The following PHTF2 variants were observed in gnomAD, a reference collection of about 807,000 sequenced individuals.
PHTF2 encodes putative homeodomain transcription factor 2.
Under a neutral mutation model 101.2 loss-of-function variants are expected in PHTF2, and 60 were observed. The observed-to-expected ratio is 0.59, with a 90% CI of 0.48 to 0.73. PHTF2 has a LOEUF of 0.73. Among genes scored for constraint, PHTF2 ranks in the 30% least tolerant of loss-of-function variants. The probability of loss-of-function intolerance (pLI) is 0.00; values close to 1 mark genes in which losing one functional copy is unlikely to be tolerated. For synonymous variants in PHTF2, 311 were observed against 307.3 expected (o/e 1.01, Z -0.13); for missense variants, 747 against 908.7 (o/e 0.82, Z 2.29).
chr7:77,948,241 A>T (rs76824273), intron 16 of PHTF2, among the ~76,000 whole-genome samples: 2,072 of 152,242 alleles, frequency 0.014, 50 homozygotes, highest in African/African-American at 0.047. Flanking sequence ...TTGCCCAGGT[A>T]TAGAATGACC....
At chr7:77,954,617 T>C (rs1357688584) in intron 19 of PHTF2, among the ~76,000 whole-genome samples, 1 of 96,962 alleles carries the variant, frequency 1.0e-5, no homozygotes, top group Non-Finnish European at 2.5e-5. Context: ...ACTGTGTATA[T>C]ATATATATAT....
In PHTF2 at chr7:77,864,631, T is replaced by TA. The variant is rs148578426; in HGVS notation, c.147+9799dup. On this transcript the variant is annotated intron_variant, in intron 3 of 19. Transcript: ENST00000416283. ...TTATGCTTTTAATTTTTTTTTTTTT[T>TA]AACTGAAGTTGCTCCTTAAAACTCA... is the stretch of plus-strand genomic sequence containing the variant. Among the ~76,000 whole-genome samples the TA allele has an allele frequency of 3.9e-4, 60 of 152,204 alleles. No homozygotes were observed. In the Middle Eastern group the frequency reaches 0.01, roughly 26 times the overall value.
chr7:77,906,155 T>G (rs1410218397), intron 7 of PHTF2: 2 of 152,178 alleles, frequency 1.3e-5, no homozygotes, highest in African/African-American at 4.8e-5. Flanking sequence ...GCCCAGCTAA[T>G]TTTTGTATTT....
intron 1 of PHTF2, among the ~76,000 whole-genome samples, chr7:77,808,921 A>G (rs1053834473): frequency 6.6e-6 from 1 of 152,104 alleles, no homozygotes; most frequent in East Asian, 1.9e-4. Flanking sequence ...TTTTAAATGG[A>G]GAGGAATAAT....
At chr7:77,916,586 G>C (rs1047418507) in intron 9 of PHTF2, among the ~76,000 whole-genome samples, 4 of 151,926 alleles carry the variant, frequency 2.6e-5, no homozygotes, top group African/African-American at 9.7e-5. Flanking sequence ...AACCACAGTT[G>C]TTTCTTGGTA....
At chr7:77,820,829 A>C (rs369412565) in intron 1 of PHTF2, among the ~76,000 whole-genome samples, 13 of 151,576 alleles carry the variant, frequency 8.6e-5, no homozygotes, top group South Asian at 8.3e-4. Context: ...CTTGTTTTCT[A>C]TTTCCTTTTT....
chr7:77,931,592 GAAGA>G (rs1479568144), intron 12 of PHTF2, among the ~76,000 whole-genome samples: 7 of 152,178 alleles, frequency 4.6e-5, no homozygotes, highest in Non-Finnish European at 8.8e-5. Flanking sequence ...GCAAGAATGT[GAAGA>G]GAGAACTCTT....
At chr7:77,890,675 G>A (rs1030909777) in intron 3 of PHTF2, among the ~76,000 whole-genome samples, 1 of 137,340 alleles carries the variant, frequency 7.3e-6, no homozygotes, top group Non-Finnish European at 1.5e-5. Context: ...GCGCAATCTC[G>A]GCTCACCGCA....
At chr7:77,817,381 A>C (rs1793931806) in intron 1 of PHTF2, among the ~76,000 whole-genome samples, 1 of 152,184 alleles carries the variant, frequency 6.6e-6, no homozygotes, top group East Asian at 1.9e-4. Flanking sequence ...TTATAAAGGA[A>C]AGAGGTTTAA....
intron 9 of PHTF2, among the ~76,000 whole-genome samples, chr7:77,910,719 G>T (rs1437825952): frequency 6.6e-6 from 1 of 151,974 alleles, no homozygotes; most frequent in South Asian, 2.1e-4. Context: ...TCGGCTCACT[G>T]CATCCTCTAC....
intron 19 of PHTF2, among the ~76,000 whole-genome samples, chr7:77,954,637 T>TATATAG (rs933959523): frequency 0.02 from 2,823 of 144,578 alleles, 46 homozygotes; most frequent in Middle Eastern, 0.044. Context: ...TATATATATA[T>TATATAG]ATATATATAG....
At chr7:77,823,341 C>T (rs904085591) in intron 1 of PHTF2, among the ~76,000 whole-genome samples, 1 of 152,156 alleles carries the variant, frequency 6.6e-6, no homozygotes, top group Non-Finnish European at 1.5e-5. Context: ...CTGCCTCAGC[C>T]TCCCGAGTAG....
intron 2 of PHTF2, among the ~76,000 whole-genome samples, chr7:77,842,387 A>G (rs1795961310): frequency 6.6e-6 from 1 of 152,098 alleles, no homozygotes; most frequent in Admixed American, 6.5e-5. Context: ...TATTTTTAGT[A>G]GAGACGGGGT....
intron 16 of PHTF2, among the ~76,000 whole-genome samples, chr7:77,946,627 C>A (rs1449067575): frequency 6.6e-6 from 1 of 152,098 alleles, no homozygotes; most frequent in African/African-American, 2.4e-5. Flanking sequence ...AGCAAACTTC[C>A]TCTGTAAAGG....
rs1413980282 is a variant in PHTF2, at chr7:77,867,032, G to GTCTGTTCC, written c.147+12200_147+12207dup. On this transcript the variant is annotated intron_variant, in intron 3 of 19. Transcript: ENST00000416283. ...ATGGTTAATTATTGAGCTTTTGCAT[G>GTCTGTTCC]TCTGTTCCTGTTGTTTGCTCCATAC... Among the ~76,000 whole-genome samples the GTCTGTTCC allele has an allele frequency of 1.2e-4, 18 of 152,308 alleles. 2 individuals are homozygous for GTCTGTTCC. The East Asian group carries it at 2.5e-3, about 21-fold the overall frequency.
intron 1 of PHTF2, among the ~76,000 whole-genome samples, chr7:77,836,318 T>G (rs1795466346): frequency 6.6e-6 from 1 of 151,990 alleles, no homozygotes; most frequent in Admixed American, 6.6e-5. Context: ...GGCAGGAGTA[T>G]CAGGCACACT....
intron 7 of PHTF2, among the ~76,000 whole-genome samples, chr7:77,904,209 A>G (rs1439520768): frequency 6.6e-6 from 1 of 152,198 alleles, no homozygotes; most frequent in East Asian, 1.9e-4. Context: ...AGGCTAAACT[A>G]GCTCTTTGCT....
chr7:77,865,170 C>G (rs1050678193), intron 3 of PHTF2, among the ~76,000 whole-genome samples: 1 of 151,990 alleles, frequency 6.6e-6, no homozygotes, highest in African/African-American at 2.4e-5. Context: ...CTGAGATGTT[C>G]CATATAAGCT....
chr7:77,894,468 A>G (rs1800717004), intron 5 of PHTF2, among the ~76,000 whole-genome samples: 1 of 152,212 alleles, frequency 6.6e-6, no homozygotes, highest in African/African-American at 2.4e-5. Context: ...ACTAAAGATC[A>G]GTCCAAAAAT....
Sources: gnomAD v4.1 joint callset for allele counts (sites outside exome capture counted in the v4.1 genomes callset) on GRCh38, gnomAD v4.1.1 for gene constraint, MANE v1.5 for transcripts, NCBI Gene and HGNC (gene_info 2026-07-23, HGNC 2026-07-21) for gene names.